The following AJAP1 variants were observed in gnomAD, a reference collection of about 807,000 sequenced individuals.
AJAP1 encodes adherens junctions associated protein 1, also known as adherens junction-associated protein 1.
A neutral mutation model predicts 35.0 loss-of-function variants in AJAP1; 5 were observed. The observed-to-expected ratio is 0.14, with a 90% CI of 0.07 to 0.30. The LOEUF (loss-of-function observed/expected upper bound fraction) is 0.30. AJAP1 is among the 10% of genes least tolerant of loss of function. AJAP1 has a pLI of 1.00. For synonymous variants in AJAP1, 284 were observed against 249.3 expected (o/e 1.14, Z -1.31); for missense variants, 586 against 571.0 (o/e 1.03, Z -0.27).
intron 5 of AJAP1, among the ~76,000 whole-genome samples, chr1:4,775,734 A>G (rs931479567): frequency 6.6e-6 from 1 of 152,194 alleles, no homozygotes; most frequent in African/African-American, 2.4e-5. Flanking sequence ...ACGTAATTAG[A>G]TTAGAATATG....
intron 2 of AJAP1, among the ~76,000 whole-genome samples, chr1:4,735,402 G>A (rs1008385078): frequency 3.3e-5 from 5 of 152,136 alleles, no homozygotes; most frequent in African/African-American, 1.2e-4. Flanking sequence ...GACCAATTTG[G>A]GCCCCAGGTT....
chr1:4,718,500 T>A (rs1239817836), intron 2 of AJAP1, among the ~76,000 whole-genome samples: 1 of 151,994 alleles, frequency 6.6e-6, no homozygotes, highest in East Asian at 1.9e-4. Flanking sequence ...CTTTTTTTTT[T>A]TTTTAGATGG....
At chr1:4,768,646 AG>A (rs1348290243) in intron 2 of AJAP1, among the ~76,000 whole-genome samples, 1 of 152,190 alleles carries the variant, frequency 6.6e-6, no homozygotes, top group Non-Finnish European at 1.5e-5. Context: ...ACCAAGATGG[AG>A]CCCCAGGCGG....
At chr1:4,756,441 C>T (rs778729901) in intron 2 of AJAP1, among the ~76,000 whole-genome samples, 17 of 152,154 alleles carry the variant, frequency 1.1e-4, no homozygotes, top group Non-Finnish European at 1.9e-4. Flanking sequence ...TTGTCTGGAC[C>T]AAGATTCAGC....
At position 4,723,601 on chromosome 1, in the gene AJAP1, G is replaced by A. The variant is rs1375442751; in HGVS notation, c.829+10902G>A. Among the ~76,000 whole-genome samples, 1 of 152,162 alleles carries A rather than the reference G, an allele frequency of 6.6e-6. No individual in the cohort carries two copies. Among genetic ancestry groups the A allele is most frequent in the Non-Finnish European group, 1.5e-5 (1 of 68,032 alleles). The stretch of plus-strand genomic sequence containing the variant: ...AGGCCACTTTTGTGAGGTGGAGGCT[G>A]CTGGAGACGTGGTGAGGGGAGAGTC... On this transcript the variant is annotated intron_variant, in intron 2 of 5. Coordinates refer to ENST00000378191, the MANE Select transcript of AJAP1 (RefSeq NM_018836.4). The surrounding 1 kb of genome is among the most constrained non-coding windows in gnomAD (Gnocchi z 4.3).
chr1:4,740,247 G>A (rs890440574), intron 2 of AJAP1, among the ~76,000 whole-genome samples: 9 of 150,266 alleles, frequency 6.0e-5, no homozygotes, highest in African/African-American at 1.7e-4. Flanking sequence ...TCTGCTAAGC[G>A]AAATAAACCG....
At chr1:4,754,493 A>T (rs983312813) in intron 2 of AJAP1, among the ~76,000 whole-genome samples, 3 of 152,164 alleles carry the variant, frequency 2.0e-5, no homozygotes, top group Admixed American at 2.0e-4. Context: ...CAGGCAGCCC[A>T]TCCTCCTTGA....
chr1:4,773,525 T>C (rs917406955), intron 4 of AJAP1, among the ~76,000 whole-genome samples: 1 of 152,216 alleles, frequency 6.6e-6, no homozygotes, highest in African/African-American at 2.4e-5. Context: ...CTGCCATCTG[T>C]GATATTCTCT....
intron 1 of AJAP1, among the ~76,000 whole-genome samples, chr1:4,691,026 G>A (rs531137305): frequency 1.0e-3 from 153 of 152,204 alleles, no homozygotes; most frequent in Non-Finnish European, 1.7e-3. Flanking sequence ...GTGCCAGGCT[G>A]AGGCCTGGGG....
At chr1:4,738,603 C>T (rs954736485) in intron 2 of AJAP1, among the ~76,000 whole-genome samples, 9 of 152,096 alleles carry the variant, frequency 5.9e-5, no homozygotes, top group African/African-American at 2.2e-4. Flanking sequence ...CCAGGGCAGG[C>T]CCCCCAGGCC....
chr1:4,666,292 CTTAGGAG>C (rs1557599994), intron 1 of AJAP1, among the ~76,000 whole-genome samples: 1 of 152,128 alleles, frequency 6.6e-6, no homozygotes, highest in Admixed American at 6.5e-5. Context: ...TGGGTCAGCC[CTTAGGAG>C]TTGGGTCTGT....
intron 4 of AJAP1, 123 bp from the exon 5 acceptor site, chr1:4,774,304 G>A (rs1481843692): frequency 1.2e-6 from 1 of 845,648 alleles, no homozygotes; most frequent in Non-Finnish European, 2.0e-6. Context: ...GCAAGGCCAG[G>A]AGTCCACATT....
At chr1:4,683,442 G>C (rs1002431068) in intron 1 of AJAP1, among the ~76,000 whole-genome samples, 1 of 152,192 alleles carries the variant, frequency 6.6e-6, no homozygotes, top group African/African-American at 2.4e-5. Context: ...TCCAGGTGAC[G>C]CTGGTTCCAC....
At position 4,774,542 on chromosome 1, in the gene AJAP1, C is replaced by T. The variant is rs754040200; in HGVS notation, c.*43C>T. ...TACCTCCTGGGGGCAGGGCAGACGC[C>T]GTGTGTCTGTTTCACGGTAGGTACC... is the stretch of plus-strand genomic sequence containing the variant. On this transcript the variant is annotated 3_prime_UTR_variant, in exon 5 of 6. Coordinates refer to ENST00000378191, the MANE Select transcript of AJAP1 (RefSeq NM_018836.4). The T allele has an allele frequency of 1.7e-5, 27 of 1,580,832 alleles. No individual in the cohort carries two copies. The Admixed American group carries it at 1.8e-4, about 11-fold the overall frequency.
intron 5 of AJAP1, among the ~76,000 whole-genome samples, chr1:4,776,136 G>C (rs1271917843): frequency 1.3e-5 from 2 of 152,240 alleles, no homozygotes; most frequent in South Asian, 2.1e-4. Flanking sequence ...GGTCAACTCG[G>C]GGGGACAGCC....
At chr1:4,688,790 A>G (rs1019692813) in intron 1 of AJAP1, among the ~76,000 whole-genome samples, 84 of 151,664 alleles carry the variant, frequency 5.5e-4, no homozygotes, top group African/African-American at 1.8e-3. Flanking sequence ...AAAAAAAAAA[A>G]AAAGAAAGGA....
chr1:4,702,181 G>T (rs574578740), intron 1 of AJAP1, among the ~76,000 whole-genome samples: 1 of 151,490 alleles, frequency 6.6e-6, no homozygotes, highest in Non-Finnish European at 1.5e-5. Context: ...CAATATTCCA[G>T]CGTGTCCCCA....
chr1:4,716,086 C>T (rs186217063), intron 2 of AJAP1, among the ~76,000 whole-genome samples: 2 of 152,316 alleles, frequency 1.3e-5, no homozygotes, highest in East Asian at 3.9e-4. Context: ...ATTTTTCTAT[C>T]TGTCTATAGC....
chr1:4,672,037 G>A (rs1570095174), intron 1 of AJAP1, among the ~76,000 whole-genome samples: 1 of 152,182 alleles, frequency 6.6e-6, no homozygotes, highest in Non-Finnish European at 1.5e-5. Flanking sequence ...GCGCAGTCGC[G>A]TCTGAGACTC....
Sources: gnomAD v4.1 joint callset for allele counts (sites outside exome capture counted in the v4.1 genomes callset) on GRCh38, gnomAD v4.1.1 for gene constraint, Gnocchi (gnomAD v3.1) non-coding constraint, MANE v1.5 for transcripts, NCBI Gene and HGNC (gene_info 2026-07-23, HGNC 2026-07-21) for gene names.